COG5: variants seen among roughly 807,000 people sequenced by gnomAD.
The protein encoded by COG5 is conserved oligomeric Golgi complex subunit 5.
A neutral mutation model predicts 110.4 loss-of-function variants in COG5; 86 were observed. The observed-to-expected ratio is 0.78, with a 90% CI of 0.65 to 0.93. The LOEUF is 0.93. COG5 is among the 40% of genes least tolerant of loss of function. The pLI is 0.00. For synonymous variants in COG5, 360 were observed against 334.6 expected, an observed-to-expected ratio of 1.08 and a Z score of -0.83; for missense variants, 1,077 against 987.0, an observed-to-expected ratio of 1.09 and a Z score of -1.22.
At chr7:107,295,599 T>G (rs997083261) in intron 12 of COG5, among the ~76,000 whole-genome samples, 1 of 152,098 alleles carries the variant, frequency 6.6e-6, no homozygotes, top group Non-Finnish European at 1.5e-5. Flanking sequence ...CTATGAAAAC[T>G]CAACTCTTCC....
intron 6 of COG5, among the ~76,000 whole-genome samples, chr7:107,489,388 T>A (rs1337064471): frequency 6.6e-6 from 1 of 152,146 alleles, no homozygotes; most frequent in Non-Finnish European, 1.5e-5. Context: ...ATCTATCACA[T>A]TAAATTTAAA....
chr7:107,243,337 C>A (rs1801794624), intron 17 of COG5, among the ~76,000 whole-genome samples: 2 of 151,792 alleles, frequency 1.3e-5, no homozygotes, highest in Non-Finnish European at 1.5e-5. Flanking sequence ...CACGGTGAAA[C>A]CCCGTCTCTA....
intron 6 of COG5, among the ~76,000 whole-genome samples, chr7:107,487,341 C>T (rs1205001105): frequency 4.6e-5 from 7 of 151,858 alleles, no homozygotes; most frequent in Admixed American, 1.3e-4. Context: ...ACTAATATAC[C>T]AATGTTCATA....
At chr7:107,347,198 T>C (rs1202534556) in intron 10 of COG5, among the ~76,000 whole-genome samples, 1 of 152,178 alleles carries the variant, frequency 6.6e-6, no homozygotes, top group Non-Finnish European at 1.5e-5. Context: ...CTTTCAAATG[T>C]TGTTAAAAAG....
intron 6 of COG5, among the ~76,000 whole-genome samples, chr7:107,498,753 A>T (rs905379515): frequency 6.6e-6 from 1 of 152,196 alleles, no homozygotes; most frequent in Non-Finnish European, 1.5e-5. Flanking sequence ...CAAAGAAATT[A>T]AAAATAGAAT....
At chr7:107,321,448 A>G (rs1809267190) in intron 11 of COG5, among the ~76,000 whole-genome samples, 1 of 152,158 alleles carries the variant, frequency 6.6e-6, no homozygotes, top group Non-Finnish European at 1.5e-5. Context: ...TGGAGGAACA[A>G]AATTCTGAAA....
At chr7:107,547,048 C>A (rs1478096518) in intron 5 of COG5, among the ~76,000 whole-genome samples, 1 of 152,174 alleles carries the variant, frequency 6.6e-6, no homozygotes, top group East Asian at 1.9e-4. Flanking sequence ...TATTACCCTT[C>A]TGTTAATGAC....
intron 17 of COG5, among the ~76,000 whole-genome samples, chr7:107,244,925 G>C (rs866451970): frequency 6.6e-6 from 1 of 152,154 alleles, no homozygotes; most frequent in African/African-American, 2.4e-5. Context: ...TGGAGGAAGA[G>C]GGGCTCCTCC....
At chr7:107,375,425 A>C (rs1327191170) in intron 7 of COG5, among the ~76,000 whole-genome samples, 7 of 152,190 alleles carry the variant, frequency 4.6e-5, no homozygotes, top group African/African-American at 1.7e-4. Context: ...GAGTTTGTAG[A>C]TACTGCCAAT....
At chr7:107,339,734 T>C in intron 10 of COG5, among the ~76,000 whole-genome samples, 1 of 151,862 alleles carries the variant, frequency 6.6e-6, no homozygotes, top group Non-Finnish European at 1.5e-5. Context: ...ACTCACACAA[T>C]TACATGGAAA....
intron 6 of COG5, among the ~76,000 whole-genome samples, chr7:107,452,943 C>G (rs1795430091): frequency 6.6e-6 from 1 of 152,158 alleles, no homozygotes; most frequent in South Asian, 2.1e-4. Flanking sequence ...GATCATTTCC[C>G]TGCAGACTAG....
Position 107,236,440 on chromosome 7 carries a change from A to T in COG5, c.2091+10T>A, listed in dbSNP as rs1395932915. On this transcript the variant is annotated intron_variant, in intron 18 of 21. Coordinates refer to ENST00000297135, the MANE Select transcript of COG5 (RefSeq NM_006348.5). ...AACATTTTTTCTTTTGTAGTAATTC[A>T]TCAATGTACCTGTGCAAAATCAGCA... The T allele has an allele frequency of 6.3e-7, 1 of 1,591,986 alleles. No individual in the cohort carries two copies. The highest frequency in any genetic ancestry group is 1.3e-5 in the African/African-American group (1 of 74,600).
At chr7:107,401,512 AACAG>A (rs1381654110) in intron 7 of COG5, among the ~76,000 whole-genome samples, 1 of 152,208 alleles carries the variant, frequency 6.6e-6, no homozygotes, top group African/African-American at 2.4e-5. Context: ...GATGGGAACA[AACAG>A]ACAAATATAT....
At chr7:107,379,781 C>G (rs1437695498) in intron 7 of COG5, among the ~76,000 whole-genome samples, 1 of 152,112 alleles carries the variant, frequency 6.6e-6, no homozygotes, top group Non-Finnish European at 1.5e-5. Flanking sequence ...ATTCATAAAG[C>G]AAGTTCTTAG....
At chr7:107,557,423 T>C (rs1437616861) in intron 2 of COG5, among the ~76,000 whole-genome samples, 1 of 152,200 alleles carries the variant, frequency 6.6e-6, no homozygotes, top group African/African-American at 2.4e-5. Context: ...TCCTCTTGCT[T>C]ATTCCAACCC....
Position 107,241,698 on chromosome 7 carries a change from C to T in COG5, c.1854-5011G>A, listed in dbSNP as rs951482128. ...CGATCTCCTGACCTCGTGATCCGCC[C>T]GTCTCGGCCTCCCAAAGTGCTGGGA... On this transcript the variant is annotated intron_variant, in intron 17 of 21. Coordinates refer to ENST00000297135, the MANE Select transcript of COG5 (RefSeq NM_006348.5). 8.5e-5 allele frequency among the ~76,000 whole-genome samples: 13 copies of T among 152,052 alleles called. No homozygotes were observed. The East Asian group carries it at 2.5e-3, about 29-fold the overall frequency.
intron 6 of COG5, among the ~76,000 whole-genome samples, chr7:107,511,701 TC>T (rs1483865580): frequency 6.6e-6 from 1 of 152,156 alleles, no homozygotes; most frequent in African/African-American, 2.4e-5. Flanking sequence ...TCTACCATGA[TC>T]AAGTGGGCTT....
chr7:107,537,720 A>G (rs1801690741), intron 5 of COG5, among the ~76,000 whole-genome samples: 1 of 152,038 alleles, frequency 6.6e-6, no homozygotes, highest in South Asian at 2.1e-4. Flanking sequence ...AATGTATCCC[A>G]GAACTTAAAG....
intron 6 of COG5, among the ~76,000 whole-genome samples, chr7:107,467,024 T>G (rs948740934): frequency 1.3e-5 from 2 of 152,160 alleles, no homozygotes; most frequent in African/African-American, 4.8e-5. Context: ...AATGTAAATA[T>G]ACAATAAATT....
Sources: gnomAD v4.1 joint callset for allele counts (sites outside exome capture counted in the v4.1 genomes callset) on GRCh38, gnomAD v4.1.1 for gene constraint, MANE v1.5 for transcripts, NCBI Gene and HGNC (gene_info 2026-07-23, HGNC 2026-07-21) for gene names.